The following WDR70 variants were observed in gnomAD, a reference collection of about 807,000 sequenced individuals.
WDR70 encodes WD repeat domain 70.
WDR70 carries 53 observed loss-of-function variants against 88.6 expected under a neutral mutation model. The observed-to-expected ratio is 0.60, with a 90% CI of 0.48 to 0.75. The LOEUF is 0.75. Among genes scored for constraint, WDR70 ranks in the 30% least tolerant of loss-of-function variants. WDR70 has a pLI of 0.00. For missense variants in WDR70, 610 were observed against 823.2 expected (o/e 0.74, Z 3.17); for synonymous variants, 280 against 270.0 (o/e 1.04, Z -0.36).
At chr5:37,597,684 G>T (rs550645471) in intron 9 of WDR70, among the ~76,000 whole-genome samples, 3 of 152,264 alleles carry the variant, frequency 2.0e-5, no homozygotes, top group African/African-American at 7.2e-5. Context: ...GCACTTGCCT[G>T]CTCCTTTTCT....
At chr5:37,527,419 T>C (rs1028568303) in intron 9 of WDR70, among the ~76,000 whole-genome samples, 1 of 152,204 alleles carries the variant, frequency 6.6e-6, no homozygotes, top group Non-Finnish European at 1.5e-5. Flanking sequence ...CTGTGAAAAC[T>C]GGCTAGCCAT....
At chr5:37,622,295 G>A (rs1744529305) in intron 10 of WDR70, among the ~76,000 whole-genome samples, 1 of 151,928 alleles carries the variant, frequency 6.6e-6, no homozygotes, top group Non-Finnish European at 1.5e-5. Context: ...CTGTTGGTGG[G>A]ACTGTAAACT....
intron 10 of WDR70, among the ~76,000 whole-genome samples, chr5:37,678,357 C>T (rs1389641022): frequency 1.3e-5 from 2 of 152,190 alleles, no homozygotes; most frequent in African/African-American, 2.4e-5. Context: ...CATGATTTTA[C>T]AGTGGCTGGT....
chr5:37,728,033 A>G (rs182926333), intron 17 of WDR70, among the ~76,000 whole-genome samples: 94 of 152,292 alleles, frequency 6.2e-4, no homozygotes, highest in African/African-American at 2.2e-3. Context: ...TATCAAAACT[A>G]TAAAACTAAC....
intron 5 of WDR70, among the ~76,000 whole-genome samples, chr5:37,413,062 G>A (rs1749573468): frequency 6.6e-6 from 1 of 152,158 alleles, no homozygotes; most frequent in South Asian, 2.1e-4. Flanking sequence ...CTTCAAAGTA[G>A]AATTAATGTC....
chr5:37,555,150 T>C (rs1742260291), intron 9 of WDR70, among the ~76,000 whole-genome samples: 1 of 152,140 alleles, frequency 6.6e-6, no homozygotes, highest in Non-Finnish European at 1.5e-5. Context: ...AACAAATGCA[T>C]TGGAAAATTC....
chr5:37,418,699 T>C (rs1462220668), intron 5 of WDR70, among the ~76,000 whole-genome samples: 2 of 152,210 alleles, frequency 1.3e-5, no homozygotes, highest in Non-Finnish European at 2.9e-5. Flanking sequence ...GCATATCTAG[T>C]ACTTTCTAAA....
intron 9 of WDR70, among the ~76,000 whole-genome samples, chr5:37,603,609 A>T (rs886670623): frequency 2.0e-5 from 3 of 152,212 alleles, no homozygotes; most frequent in South Asian, 2.1e-4. Context: ...GGCAAAAGCG[A>T]TTGCATTGAA....
chr5:37,413,916 C>T (rs1458797549), intron 5 of WDR70, among the ~76,000 whole-genome samples: 2 of 151,886 alleles, frequency 1.3e-5, no homozygotes, highest in African/African-American at 2.4e-5. Context: ...GATGCCAAGG[C>T]GGATGGATCA....
intron 8 of WDR70, among the ~76,000 whole-genome samples, chr5:37,482,762 T>C (rs1739712689): frequency 6.6e-6 from 1 of 151,968 alleles, no homozygotes; most frequent in Non-Finnish European, 1.5e-5. Flanking sequence ...GGAGGGGAGG[T>C]AGATCCCACC....
chr5:37,563,195 C>T (rs867991164), intron 9 of WDR70, among the ~76,000 whole-genome samples: 1 of 62,394 alleles, frequency 1.6e-5, no homozygotes, highest in Non-Finnish European at 4.1e-5. Context: ...CCACCTCCCT[C>T]CTGGACGGGG....
At chr5:37,636,624 T>A (rs1321989073) in intron 10 of WDR70, among the ~76,000 whole-genome samples, 1 of 152,230 alleles carries the variant, frequency 6.6e-6, no homozygotes, top group Non-Finnish European at 1.5e-5. Flanking sequence ...CTTGATATGA[T>A]GCATATGAAG....
intron 10 of WDR70, among the ~76,000 whole-genome samples, chr5:37,682,626 T>G (rs951720681): frequency 6.6e-6 from 1 of 152,102 alleles, no homozygotes; most frequent in Admixed American, 6.5e-5. Flanking sequence ...TGGTATGTTG[T>G]ATCTCGTTAG....
At position 37,553,750 on chromosome 5, in the gene WDR70, G is replaced by A. The variant is rs1028780746; in HGVS notation, c.917+37160G>A. Among the ~76,000 whole-genome samples, 8 of 152,252 alleles carry A rather than the reference G, an allele frequency of 5.3e-5. No individual in the cohort carries two copies. In the East Asian group the frequency reaches 1.3e-3, roughly 26 times the overall value. ...GGAAATATAATGTAGTAGTTCTGAG[G>A]ACAGGCTCTGGAGCCAGAATATCTA... is the stretch of plus-strand genomic sequence containing the variant. On this transcript the variant is annotated intron_variant, in intron 9 of 17. Coordinates refer to ENST00000265107, the MANE Select transcript of WDR70 (RefSeq NM_018034.4).
intron 5 of WDR70, among the ~76,000 whole-genome samples, chr5:37,416,805 C>T (rs1749771311): frequency 6.6e-6 from 1 of 152,062 alleles, no homozygotes; most frequent in Non-Finnish European, 1.5e-5. Context: ...GTCTCAAACT[C>T]CTCAAGTGAT....
At chr5:37,433,675 C>T (rs1307623175) in intron 5 of WDR70, among the ~76,000 whole-genome samples, 3 of 152,188 alleles carry the variant, frequency 2.0e-5, no homozygotes, top group Non-Finnish European at 2.9e-5. Flanking sequence ...ATATTATTCT[C>T]TCCTGGATGT....
intron 10 of WDR70, among the ~76,000 whole-genome samples, chr5:37,667,692 C>T (rs1379267538): frequency 6.6e-6 from 1 of 151,984 alleles, no homozygotes; most frequent in South Asian, 2.1e-4. Flanking sequence ...GAGAAGTGAA[C>T]AGTTGCAACA....
At chr5:37,503,478 T>C (rs1740465077) in intron 8 of WDR70, among the ~76,000 whole-genome samples, 1 of 152,194 alleles carries the variant, frequency 6.6e-6, no homozygotes, top group Non-Finnish European at 1.5e-5. Flanking sequence ...CTCTGTGTGT[T>C]CTCATCATTT....
intron 5 of WDR70, among the ~76,000 whole-genome samples, chr5:37,424,947 G>A (rs2056870): frequency 0.25 from 38,545 of 152,078 alleles, 5,696 homozygotes; most frequent in East Asian, 0.46. Flanking sequence ...CTAATAGGGA[G>A]AAATAGATAA....
Sources: gnomAD v4.1 joint callset for allele counts (sites outside exome capture counted in the v4.1 genomes callset) on GRCh38, gnomAD v4.1.1 for gene constraint, MANE v1.5 for transcripts, NCBI Gene and HGNC (gene_info 2026-07-23, HGNC 2026-07-21) for gene names.